ARFIP1: variants seen among roughly 807,000 people sequenced by gnomAD.
ARFIP1 encodes ARF interacting protein 1.
In ARFIP1, 24 loss-of-function variants were observed where a neutral mutation model predicts 42.5. The ratio of observed to expected loss-of-function variants is 0.57; its 90% CI spans 0.41 to 0.80. The LOEUF (loss-of-function observed/expected upper bound fraction) is 0.80. Among genes scored for constraint, ARFIP1 ranks in the 30% least tolerant of loss-of-function variants. The pLI, the probability that ARFIP1 is intolerant of heterozygous loss-of-function variation, is 0.00. For synonymous variants in ARFIP1, 141 were observed against 153.7 expected (o/e 0.92, Z 0.61); for missense variants, 354 against 434.0 (o/e 0.82, Z 1.64).
intron 6 of ARFIP1, among the ~76,000 whole-genome samples, chr4:152,882,489 A>G (rs1406035348): frequency 3.3e-5 from 5 of 152,170 alleles, no homozygotes; most frequent in Non-Finnish European, 7.4e-5. Flanking sequence ...TAAAAAAATT[A>G]TTTAGCTTTT....
At chr4:152,905,003 A>G (rs531115899) in intron 8 of ARFIP1, among the ~76,000 whole-genome samples, 1 of 152,328 alleles carries the variant, frequency 6.6e-6, no homozygotes, top group Non-Finnish European at 1.5e-5. Context: ...ACTAATTTAC[A>G]TTCCCACCAA....
chr4:152,849,676 T>C (rs1048304655), intron 2 of ARFIP1, among the ~76,000 whole-genome samples: 2 of 151,606 alleles, frequency 1.3e-5, no homozygotes, highest in Non-Finnish European at 2.9e-5. Flanking sequence ...GGCAGGCAGG[T>C]GTGTGTGTGT....
At chr4:152,791,163 G>C (rs575138391) in intron 1 of ARFIP1, among the ~76,000 whole-genome samples, 1 of 152,114 alleles carries the variant, frequency 6.6e-6, no homozygotes, top group Non-Finnish European at 1.5e-5. Context: ...GAAGAATAAT[G>C]TAAGTTATTC....
chr4:152,892,937 T>C (rs1736988962), intron 8 of ARFIP1, among the ~76,000 whole-genome samples: 1 of 152,246 alleles, frequency 6.6e-6, no homozygotes, highest in Admixed American at 6.5e-5. Flanking sequence ...TTTCTTCTTT[T>C]TGAGACCTTT....
At chr4:152,866,676 C>T (rs1228231363) in intron 3 of ARFIP1, among the ~76,000 whole-genome samples, 1 of 151,400 alleles carries the variant, frequency 6.6e-6, no homozygotes, top group African/African-American at 2.4e-5. Flanking sequence ...GGCTGCCAGG[C>T]GGAGACGCTC....
intron 3 of ARFIP1, among the ~76,000 whole-genome samples, chr4:152,866,403 G>C (rs190796232): frequency 0.13 from 19,221 of 152,134 alleles, 1,249 homozygotes; most frequent in Middle Eastern, 0.17. Context: ...CAGACGGGGT[G>C]GTGGCTGGGC....
At chr4:152,886,920 G>A (rs1458425607) in intron 7 of ARFIP1, among the ~76,000 whole-genome samples, 2 of 151,928 alleles carry the variant, frequency 1.3e-5, no homozygotes, top group African/African-American at 4.8e-5. Context: ...AATTCAGTAT[G>A]AGTTAAGAAT....
chr4:152,903,394 A>G (rs540146251), intron 8 of ARFIP1, among the ~76,000 whole-genome samples: 1 of 152,330 alleles, frequency 6.6e-6, no homozygotes, highest in South Asian at 2.1e-4. Flanking sequence ...CTGTTTTGTT[A>G]TAAGCCAAAT....
At chr4:152,830,045 G>A (rs1380873576) in intron 2 of ARFIP1, among the ~76,000 whole-genome samples, 2 of 151,930 alleles carry the variant, frequency 1.3e-5, no homozygotes, top group Admixed American at 6.6e-5. Context: ...TTTAAAATTG[G>A]CACTAATAAC....
At chr4:152,813,557 C>T (rs1729636586) in intron 1 of ARFIP1, among the ~76,000 whole-genome samples, 1 of 151,842 alleles carries the variant, frequency 6.6e-6, no homozygotes, top group African/African-American at 2.4e-5. Context: ...TACTTTTTAG[C>T]TGTACTTCTT....
At chr4:152,887,569 AATGATTAAT>A (rs1268782745) in intron 7 of ARFIP1, among the ~76,000 whole-genome samples, 1 of 152,118 alleles carries the variant, frequency 6.6e-6, no homozygotes, top group Non-Finnish European at 1.5e-5. Context: ...TACATGCCAC[AATGATTAAT>A]ATTTTAGATA....
intron 3 of ARFIP1, among the ~76,000 whole-genome samples, chr4:152,865,142 A>AT (rs77064249): frequency 0.043 from 6,318 of 146,098 alleles, 179 homozygotes; most frequent in Admixed American, 0.084. Flanking sequence ...AGTATTCTGT[A>AT]TTTTTTTTTT....
In ARFIP1 at chr4:152,808,036, A is replaced by G. The variant is rs535473433; in HGVS notation, c.-9-21589A>G. On this transcript the variant is annotated intron_variant, in intron 1 of 8. Transcript: ENST00000353617. ...GCTGTTGTTGCCCAGGCCGGAGTGC[A>G]GTGGCACGATCTTGGCTCACTGCAG... is the stretch of plus-strand genomic sequence containing the variant. Among the ~76,000 whole-genome samples, 6 of 152,070 alleles carry G rather than the reference A, an allele frequency of 3.9e-5. No individual in the cohort carries two copies. The South Asian group carries it at 1.2e-3, about 31-fold the overall frequency.
chr4:152,876,671 A>G (rs1219635259), intron 5 of ARFIP1, among the ~76,000 whole-genome samples: 1 of 152,190 alleles, frequency 6.6e-6, no homozygotes, highest in Non-Finnish European at 1.5e-5. Flanking sequence ...GATGGGGAAA[A>G]TGTCTTCAGG....
At chr4:152,795,380 T>G (rs1429100413) in intron 1 of ARFIP1, among the ~76,000 whole-genome samples, 1 of 152,172 alleles carries the variant, frequency 6.6e-6, no homozygotes, top group Non-Finnish European at 1.5e-5. Flanking sequence ...TTGCATAACT[T>G]GGATGTACCA....
At chr4:152,803,587 G>A (rs1048568191) in intron 1 of ARFIP1, among the ~76,000 whole-genome samples, 3 of 152,088 alleles carry the variant, frequency 2.0e-5, no homozygotes, top group Non-Finnish European at 4.4e-5. Context: ...GAAAACCACT[G>A]AGCTGTCATG....
At chr4:152,808,799 T>A (rs997288346) in intron 1 of ARFIP1, among the ~76,000 whole-genome samples, 3 of 152,178 alleles carry the variant, frequency 2.0e-5, no homozygotes, top group African/African-American at 7.2e-5. Context: ...CCGGGCGTGG[T>A]GGCTTTTGCC....
At chr4:152,820,217 A>G (rs1349341486) in intron 1 of ARFIP1, among the ~76,000 whole-genome samples, 1 of 151,230 alleles carries the variant, frequency 6.6e-6, no homozygotes, top group Non-Finnish European at 1.5e-5. Flanking sequence ...CCACCATTGC[A>G]GTATTGCATT....
At chr4:152,872,371 A>T (rs149755723) in intron 4 of ARFIP1, 81 bp from the exon 5 acceptor site, 1 of 913,618 alleles carries the variant, frequency 1.1e-6, no homozygotes, top group African/African-American at 1.7e-5. Context: ...AAGAATTTCA[A>T]TTTGAACAAT....
Sources: gnomAD v4.1 joint callset for allele counts (sites outside exome capture counted in the v4.1 genomes callset) on GRCh38, gnomAD v4.1.1 for gene constraint, MANE v1.5 for transcripts, NCBI Gene and HGNC (gene_info 2026-07-23, HGNC 2026-07-21) for gene names.